Variants in SLC35D2 observed in about 807,000 individuals in gnomAD.
SLC35D2 encodes the protein nucleotide sugar transporter SLC35D2.
A neutral mutation model predicts 41.8 loss-of-function variants in SLC35D2; 43 were observed. The observed-to-expected ratio is 1.03, with a 90% CI of 0.81 to 1.33. The LOEUF (loss-of-function observed/expected upper bound fraction) is 1.33. Among genes scored for constraint, SLC35D2 ranks in the 40% most tolerant of loss-of-function variants. The pLI is 0.00. For synonymous variants in SLC35D2, 150 were observed against 163.9 expected, an observed-to-expected ratio of 0.92 and a Z score of 0.65; for missense variants, 380 against 408.4, an observed-to-expected ratio of 0.93 and a Z score of 0.60.
At chr9:96,342,626 C>T (rs965157122) in intron 8 of SLC35D2, among the ~76,000 whole-genome samples, 5 of 152,182 alleles carry the variant, frequency 3.3e-5, no homozygotes, top group East Asian at 1.9e-4. Context: ...CTAAATAACC[C>T]GAAAAAGAGA....
chr9:96,373,810 C>G (rs565173811), intron 1 of SLC35D2, among the ~76,000 whole-genome samples: 1 of 152,124 alleles, frequency 6.6e-6, no homozygotes, highest in Admixed American at 6.6e-5. Flanking sequence ...AAGCTCTCTA[C>G]GTTAATTTTC....
At chr9:96,358,654 T>G (rs1830137369) in intron 4 of SLC35D2, among the ~76,000 whole-genome samples, 2 of 152,192 alleles carry the variant, frequency 1.3e-5, no homozygotes, top group African/African-American at 4.8e-5. Flanking sequence ...GAAGCTTTTA[T>G]CCTGCTTTTC....
rs1828193583 is a variant in SLC35D2 at position 96,321,006 on chromosome 9, A to G, written c.*236T>C. ...GCTGGGGCTCCACCTACCGAGTCCC[A>G]GTGGCTTATTTTGAAAAGATTTGCT... On this transcript the variant is annotated 3_prime_UTR_variant, in exon 12 of 12. Transcript: ENST00000253270. The G allele has an allele frequency of 7.2e-6, 3 of 417,000 alleles. No individual in the cohort carries two copies. The highest frequency in any genetic ancestry group is 1.3e-5 in the Non-Finnish European group (3 of 230,964). 25.8% of individuals were successfully genotyped at this position (417,000 alleles called of 1,614,324 possible).
chr9:96,333,669 G>T (rs1828918840), intron 9 of SLC35D2, among the ~76,000 whole-genome samples: 1 of 152,022 alleles, frequency 6.6e-6, no homozygotes, highest in African/African-American at 2.4e-5. Flanking sequence ...AAGCCCTGGA[G>T]GGTAACAGCT....
chr9:96,345,689 C>T (rs1253141062), intron 6 of SLC35D2, among the ~76,000 whole-genome samples: 3 of 152,198 alleles, frequency 2.0e-5, no homozygotes, highest in Non-Finnish European at 4.4e-5. Flanking sequence ...CACATAATAA[C>T]TGGTGAGCCC....
Position 96,321,159 on chromosome 9 carries a change from GA to G in SLC35D2, c.*82del. 9.3e-7 allele frequency: 1 copy of G among 1,072,394 alleles called. No individual in the cohort carries two copies. The highest frequency in any genetic ancestry group is 1.4e-6 in the Non-Finnish European group (1 of 708,610). The allele number at this position is 1,072,394 out of a possible 1,614,324, so 66.4% of individuals were successfully genotyped here. On this transcript the variant is annotated 3_prime_UTR_variant, in exon 12 of 12. Transcript: ENST00000253270. ...CCCAGGGGGTGGATGTCACGAATCC[GA>G]AACCTCTGGCTTCACATTCCTACTG...
chr9:96,328,018 T>C (rs915245885), intron 9 of SLC35D2, among the ~76,000 whole-genome samples: 2 of 152,096 alleles, frequency 1.3e-5, no homozygotes, highest in Non-Finnish European at 2.9e-5. Flanking sequence ...TAAAAGAATC[T>C]ATTTCTATAT....
chr9:96,344,086 GA>G (rs1345235190), intron 7 of SLC35D2, 90 bp from the exon 8 acceptor site: 50 of 725,012 alleles, frequency 6.9e-5, no homozygotes, highest in Non-Finnish European at 1.1e-4. Flanking sequence ...ATATTCATGC[GA>G]AGTTAGAATG....
At chr9:96,324,941 G>A (rs1387968481) in intron 9 of SLC35D2, among the ~76,000 whole-genome samples, 6 of 152,174 alleles carry the variant, frequency 3.9e-5, no homozygotes, top group African/African-American at 1.4e-4. Context: ...GACCGTGCAC[G>A]ATATGAAAGA....
At chr9:96,349,169 C>T (rs1829706676) in intron 6 of SLC35D2, among the ~76,000 whole-genome samples, 5 of 152,170 alleles carry the variant, frequency 3.3e-5, no homozygotes, top group Admixed American at 3.3e-4. Context: ...AAAGAGTGCG[C>T]CCACCCATGA....
chr9:96,360,819 G>A (rs895797119), intron 3 of SLC35D2, among the ~76,000 whole-genome samples: 3 of 151,358 alleles, frequency 2.0e-5, no homozygotes, highest in African/African-American at 7.3e-5. Context: ...TTGGCTCACT[G>A]CAACCTCTAC....
intron 5 of SLC35D2, among the ~76,000 whole-genome samples, chr9:96,351,794 T>A (rs1829825410): frequency 6.6e-6 from 1 of 152,178 alleles, no homozygotes; most frequent in Non-Finnish European, 1.5e-5. Flanking sequence ...TTTTGGAGTG[T>A]TTCTTTTACT....
At chr9:96,319,785 C>T (rs753534237), downstream of SLC35D2, among the ~76,000 whole-genome samples, 45 of 152,350 alleles carry the variant, frequency 3.0e-4, no homozygotes, top group Non-Finnish European at 5.6e-4. Flanking sequence ...CAGGCGTGAA[C>T]CGCCGCACCC....
At chr9:96,353,446 C>T (rs1310470070) in intron 4 of SLC35D2, among the ~76,000 whole-genome samples, 2 of 152,050 alleles carry the variant, frequency 1.3e-5, no homozygotes, top group African/African-American at 4.8e-5. Context: ...CCCCACCTCC[C>T]GGGTTCAAGC....
intron 3 of SLC35D2, among the ~76,000 whole-genome samples, chr9:96,361,506 G>A (rs2130977970): frequency 6.6e-6 from 1 of 152,154 alleles, no homozygotes; most frequent in South Asian, 2.1e-4. Context: ...TGGCAACATA[G>A]TGAGACCGTC....
rs73538952 is a variant in SLC35D2 at position 96,377,828 on chromosome 9, T to C, written c.158+5649A>G. ...TCAGTCACCAGAAGCTCAGGCAGCA[T>C]TCCACAGGAGACAGAAAGGATGGCA... On this transcript the variant is annotated intron_variant, in intron 1 of 11. Coordinates refer to ENST00000253270, the MANE Select transcript of SLC35D2 (RefSeq NM_007001.3). 2.6e-3 allele frequency among the ~76,000 whole-genome samples: 398 copies of C among 152,240 alleles called. 1 individual carries two copies. Among genetic ancestry groups the C allele is most frequent in the African/African-American group, 9.1e-3 (376 of 41,540 alleles).
chr9:96,333,766 G>A (rs956895438), intron 9 of SLC35D2, among the ~76,000 whole-genome samples: 2 of 152,064 alleles, frequency 1.3e-5, no homozygotes, highest in African/African-American at 2.4e-5. Flanking sequence ...ATGGTTAAAC[G>A]GTGAAGTGCA....
At chr9:96,325,419 A>G (rs988855928) in intron 9 of SLC35D2, among the ~76,000 whole-genome samples, 2 of 152,232 alleles carry the variant, frequency 1.3e-5, no homozygotes, top group African/African-American at 4.8e-5. Flanking sequence ...ACGGTGGCTC[A>G]TGCCCATAAT....
intron 5 of SLC35D2, 118 bp from the exon 6 acceptor site, chr9:96,351,289 C>CATTGTCTGCTGGATTTT: frequency 1.4e-6 from 1 of 705,576 alleles, no homozygotes; most frequent in Non-Finnish European, 2.5e-6. Context: ...TAAAATCCAG[C>CATTGTCTGCTGGATTTT]AGACAATGCT....
Sources: gnomAD v4.1 joint callset for allele counts (sites outside exome capture counted in the v4.1 genomes callset) on GRCh38, gnomAD v4.1.1 for gene constraint, MANE v1.5 for transcripts, NCBI Gene and HGNC (gene_info 2026-07-23, HGNC 2026-07-21) for gene names.